NCOA7: variants seen among roughly 807,000 people sequenced by gnomAD.
The protein encoded by NCOA7 is 140 kDa estrogen receptor-associated protein.
Under a neutral mutation model 104.3 loss-of-function variants are expected in NCOA7, and 45 were observed. The observed-to-expected ratio is 0.43, with a 90% CI of 0.34 to 0.55. The LOEUF (loss-of-function observed/expected upper bound fraction) is 0.55. Among genes scored for constraint, NCOA7 ranks in the 20% least tolerant of loss-of-function variants. The pLI, the probability that NCOA7 is intolerant of heterozygous loss-of-function variation, is 0.02. For synonymous variants in NCOA7, 398 were observed against 402.3 expected (o/e 0.99, Z 0.13); for missense variants, 1,041 against 1,119.7 (o/e 0.93, Z 1.00).
intron 1 of NCOA7, 129 bp from the exon 2 acceptor site, chr6:125,815,160 CAT>C (rs1486137789): frequency 2.2e-5 from 9 of 403,164 alleles, no homozygotes; most frequent in African/African-American, 1.2e-4. Flanking sequence ...ATATTTGACT[CAT>C]GTGACTGTTT....
At chr6:125,921,138 A>C in intron 12 of NCOA7, 70 bp downstream of exon 12, 1 of 1,557,048 alleles carries the variant, frequency 6.4e-7, no homozygotes. Flanking sequence ...GGCCAGGTAC[A>C]GTGGCTCATG....
chr6:125,845,699 G>A (rs1002649435), intron 2 of NCOA7, among the ~76,000 whole-genome samples: 3 of 152,110 alleles, frequency 2.0e-5, no homozygotes, highest in East Asian at 1.9e-4. Flanking sequence ...CCAGGGAGTC[G>A]GAGGTTGCAG....
chr6:125,823,171 A>G (rs1236731537), intron 2 of NCOA7, among the ~76,000 whole-genome samples: 2 of 152,072 alleles, frequency 1.3e-5, no homozygotes, highest in African/African-American at 2.4e-5. Flanking sequence ...TTTACAGTCA[A>G]TCCCCCCGCA....
chr6:125,869,666 G>C (rs1024962437), intron 3 of NCOA7, among the ~76,000 whole-genome samples: 3 of 152,240 alleles, frequency 2.0e-5, no homozygotes, highest in African/African-American at 7.2e-5. Context: ...TACTCAGGCA[G>C]CGTTGCTGGC....
In NCOA7 at chr6:125,890,746, A is replaced by G. The variant is rs201034133; in HGVS notation, c.2032A>G (p.Met678Val). The change falls in exon 10 of 16, where the codon ATG becomes GTG. Residue 678 changes from methionine to valine, a missense_variant. This residue lies in a region of NCOA7 where 914 missense variants were observed against 942.7 expected (regional missense o/e 0.97). Coordinates refer to ENST00000392477, the MANE Select transcript of NCOA7 (RefSeq NM_181782.5). ...ATCCTTTGCCACTCACACTGCAGCC[A>G]TGGTCCAGCAGTACGGCAAACGGAG... ...RKSFATHTAA[M>V]VQQYGKRRKQ... 5.8e-5 allele frequency: 94 copies of G among 1,613,752 alleles called. No homozygotes were observed. The highest frequency in any genetic ancestry group is 2.9e-4 in the South Asian group (26 of 91,056).
At chr6:125,844,512 G>C (rs1248505511) in intron 2 of NCOA7, among the ~76,000 whole-genome samples, 1 of 152,164 alleles carries the variant, frequency 6.6e-6, no homozygotes, top group African/African-American at 2.4e-5. Flanking sequence ...CTTCAAGTGA[G>C]TTGTTGTTTT....
intron 10 of NCOA7, 134 bp downstream of exon 10, chr6:125,890,944 A>G (rs1784578713): frequency 2.2e-6 from 2 of 924,918 alleles, no homozygotes; most frequent in Non-Finnish European, 3.0e-6. Context: ...AGAATTCTAG[A>G]AGGATATTAT....
chr6:125,919,196 A>T, intron 11 of NCOA7: 1 of 1,543,638 alleles, frequency 6.5e-7, no homozygotes, highest in Admixed American at 1.9e-5. Flanking sequence ...AGAAATGTTG[A>T]AACTTCTCCT....
At chr6:125,828,539 T>C (rs1228910764) in intron 2 of NCOA7, among the ~76,000 whole-genome samples, 3 of 152,066 alleles carry the variant, frequency 2.0e-5, no homozygotes, top group Non-Finnish European at 4.4e-5. Flanking sequence ...AGTCAAGGAA[T>C]GGTGAGTTTT....
chr6:125,830,737 A>ATGTGTGTG (rs890797445), intron 2 of NCOA7, among the ~76,000 whole-genome samples: 59 of 93,028 alleles, frequency 6.3e-4, no homozygotes, highest in East Asian at 1.8e-3. Flanking sequence ...ATATATATAT[A>ATGTGTGTG]TGTGTGTGTG....
intron 10 of NCOA7, among the ~76,000 whole-genome samples, chr6:125,905,756 A>T (rs995510179): frequency 3.9e-5 from 6 of 152,144 alleles, no homozygotes; most frequent in African/African-American, 2.4e-5. Flanking sequence ...GGACTTTGGG[A>T]ATAAATAAAA....
chr6:125,906,631 A>G (rs976276008), intron 10 of NCOA7, among the ~76,000 whole-genome samples: 1 of 152,124 alleles, frequency 6.6e-6, no homozygotes, highest in Admixed American at 6.5e-5. Flanking sequence ...TGAAAGAGAG[A>G]TCCTAAAGTA....
chr6:125,888,736 T>A (rs998141566), intron 8 of NCOA7, among the ~76,000 whole-genome samples: 7 of 152,230 alleles, frequency 4.6e-5, no homozygotes, highest in Non-Finnish European at 7.3e-5. Context: ...TCCATTTCCT[T>A]TAGTTGACCT....
intron 2 of NCOA7, among the ~76,000 whole-genome samples, chr6:125,848,747 A>G (rs1034791391): frequency 2.6e-5 from 4 of 152,190 alleles, no homozygotes; most frequent in Admixed American, 6.6e-5. Flanking sequence ...ATGTATACTT[A>G]TGTAACAAAC....
intron 2 of NCOA7, among the ~76,000 whole-genome samples, chr6:125,850,037 G>A (rs1036075630): frequency 6.6e-6 from 1 of 152,074 alleles, no homozygotes; most frequent in Non-Finnish European, 1.5e-5. Context: ...CGTATTGTGA[G>A]ACTATCTTAA....
intron 10 of NCOA7, among the ~76,000 whole-genome samples, chr6:125,892,314 A>C (rs139181731): frequency 1.2e-4 from 19 of 152,324 alleles, no homozygotes; most frequent in African/African-American, 4.6e-4. Flanking sequence ...ACATGTAATT[A>C]TTTTACTGTC....
intron 10 of NCOA7, among the ~76,000 whole-genome samples, chr6:125,914,941 A>T (rs1294041994): frequency 5.9e-5 from 9 of 152,358 alleles, no homozygotes; most frequent in Admixed American, 5.2e-4. Context: ...GACCCGTTGT[A>T]GTATTGTTTA....
chr6:125,845,849 C>T (rs1780561553), intron 2 of NCOA7, among the ~76,000 whole-genome samples: 1 of 152,166 alleles, frequency 6.6e-6, no homozygotes, highest in African/African-American at 2.4e-5. Flanking sequence ...TGTATATATC[C>T]ATATCTATGT....
intron 10 of NCOA7, among the ~76,000 whole-genome samples, chr6:125,896,054 TATACATAATAC>T (rs1406632930): frequency 6.7e-6 from 1 of 148,346 alleles, no homozygotes; most frequent in Admixed American, 6.8e-5. Flanking sequence ...ACATAATACA[TATACATAATAC>T]ATATATATAT....
Sources: allele counts gnomAD v4.1 joint callset (sites outside exome capture counted in the v4.1 genomes callset), GRCh38; gene constraint gnomAD v4.1.1; regional missense constraint gnomAD v4.1.1; transcripts MANE v1.5; gene names NCBI Gene and HGNC (gene_info 2026-07-23, HGNC 2026-07-21).